The following DLGAP2 variants were observed in gnomAD, a reference collection of about 807,000 sequenced individuals.
DLGAP2 encodes DLG associated protein 2.
In DLGAP2, 26 loss-of-function variants were observed where a neutral mutation model predicts 100.3. The ratio of observed to expected loss-of-function variants is 0.26; its 90% CI spans 0.19 to 0.36. The LOEUF is 0.36. DLGAP2 is among the 10% of genes least tolerant of loss of function. DLGAP2 has a pLI of 1.00. For synonymous variants in DLGAP2, 886 were observed against 630.1 expected, an observed-to-expected ratio of 1.41 and a Z score of -6.08; for missense variants, 1,858 against 1,453.2, an observed-to-expected ratio of 1.28 and a Z score of -4.53.
chr8:956,599 C>T (rs1414672325), intron 2 of DLGAP2, among the ~76,000 whole-genome samples: 2 of 152,228 alleles, frequency 1.3e-5, no homozygotes, highest in Non-Finnish European at 2.9e-5. Context: ...TCAAAACACC[C>T]CTGAAACCTG....
chr8:768,618 G>T (rs1017204385), intron 1 of DLGAP2, among the ~76,000 whole-genome samples: 2 of 151,630 alleles, frequency 1.3e-5, no homozygotes, highest in African/African-American at 4.8e-5. Context: ...TAGAGATGGG[G>T]TTTCACCATG....
chr8:1,291,638 T>C (rs1223074985), intron 3 of DLGAP2, among the ~76,000 whole-genome samples: 1 of 152,172 alleles, frequency 6.6e-6, no homozygotes, highest in Non-Finnish European at 1.5e-5. Flanking sequence ...GGGATCAGGC[T>C]AAGGGATCTC....
intron 12 of DLGAP2, among the ~76,000 whole-genome samples, chr8:1,690,703 CAAAAAA>C (rs71190752): frequency 0.03 from 1,857 of 62,046 alleles, 42 homozygotes; most frequent in African/African-American, 0.087. Context: ...GACCCTATCT[CAAAAAA>C]AAAAAAAAAA....
chr8:979,727 C>G (rs746640506), intron 2 of DLGAP2, among the ~76,000 whole-genome samples: 1 of 152,166 alleles, frequency 6.6e-6, no homozygotes, highest in Non-Finnish European at 1.5e-5. Flanking sequence ...TGTTTTCAGG[C>G]ACATGTGCCA....
At chr8:876,832 G>C (rs1248108268) in intron 1 of DLGAP2, among the ~76,000 whole-genome samples, 1 of 152,026 alleles carries the variant, frequency 6.6e-6, no homozygotes, top group East Asian at 1.9e-4. Context: ...CTTCTTTCCT[G>C]TCTCTGCTTT....
intron 12 of DLGAP2, among the ~76,000 whole-genome samples, chr8:1,679,599 G>A (rs1056498442): frequency 6.6e-6 from 1 of 152,210 alleles, no homozygotes; most frequent in African/African-American, 2.4e-5. Context: ...AGTCCCGTTG[G>A]TACTCACCTA....
At chr8:1,028,522 C>G (rs1230065967) in intron 2 of DLGAP2, among the ~76,000 whole-genome samples, 1 of 152,178 alleles carries the variant, frequency 6.6e-6, no homozygotes, top group Non-Finnish European at 1.5e-5. Context: ...CATGCGGTGC[C>G]AGGCACCCGT....
At chr8:1,195,093 C>A (rs774130844) in intron 2 of DLGAP2, among the ~76,000 whole-genome samples, 4 of 152,232 alleles carry the variant, frequency 2.6e-5, no homozygotes, top group Admixed American at 2.0e-4. Context: ...TCCAGGCCCC[C>A]GGCATCCTCA....
At chr8:1,211,832 G>T (rs1003392668) in intron 2 of DLGAP2, among the ~76,000 whole-genome samples, 6 of 152,210 alleles carry the variant, frequency 3.9e-5, no homozygotes, top group Non-Finnish European at 7.3e-5. Context: ...CCGATATCGT[G>T]CCATTGCACT....
chr8:1,254,980 T>TGCTGTGTGTGTGTCTTCTCCTGCCCGGCC lies in DLGAP2; in HGVS notation c.74-3857_74-3856insTTCTCCTGCCCGGCCGCTGTGTGTGTGTC, dbSNP rs1799147649. ...TGTGTGTCCTCTCATCCTGTCCGGG[T>TGCTGTGTGTGTGTCTTCTCCTGCCCGGCC]GCTGTGTGTGTGTCCTCTCATCCTG... On this transcript the variant is annotated intron_variant, in intron 2 of 14. Transcript: ENST00000637795. Among the ~76,000 whole-genome samples, 48 of 103,684 alleles carry TGCTGTGTGTGTGTCTTCTCCTGCCCGGCC rather than the reference T, an allele frequency of 4.6e-4. 2 individuals are homozygous for TGCTGTGTGTGTGTCTTCTCCTGCCCGGCC. Among genetic ancestry groups the TGCTGTGTGTGTGTCTTCTCCTGCCCGGCC allele is most frequent in the African/African-American group, 1.9e-3 (44 of 23,552 alleles). The allele number at this position is 103,684 out of a possible 152,430, so 68.0% of individuals were successfully genotyped here.
chr8:1,698,886 C>G (rs933160369), intron 14 of DLGAP2, among the ~76,000 whole-genome samples: 1 of 151,490 alleles, frequency 6.6e-6, no homozygotes, highest in Non-Finnish European at 1.5e-5. Context: ...GTAAGCCATG[C>G]ATGGGACTAG....
intron 3 of DLGAP2, among the ~76,000 whole-genome samples, chr8:1,298,401 G>C (rs556609596): frequency 3.3e-5 from 5 of 152,164 alleles, no homozygotes; most frequent in Non-Finnish European, 7.3e-5. Flanking sequence ...TCCCTCAGTG[G>C]AGACACCAGG....
intron 2 of DLGAP2, among the ~76,000 whole-genome samples, chr8:1,227,941 A>G (rs1217700619): frequency 6.6e-6 from 1 of 152,170 alleles, no homozygotes; most frequent in African/African-American, 2.4e-5. Flanking sequence ...ACTATGTGAG[A>G]TGATGGATAT....
chr8:1,332,752 G>C (rs1801187432), intron 3 of DLGAP2, among the ~76,000 whole-genome samples: 1 of 152,156 alleles, frequency 6.6e-6, no homozygotes, highest in Non-Finnish European at 1.5e-5. Context: ...CCCAGACCTG[G>C]AAAAGCCATT....
intron 1 of DLGAP2, among the ~76,000 whole-genome samples, chr8:848,864 T>A (rs75103260): frequency 4.1e-4 from 53 of 130,254 alleles, no homozygotes; most frequent in African/African-American, 1.0e-3. Flanking sequence ...CAGCATAGGA[T>A]CGCGCGGTGT....
At chr8:1,050,270 G>C (rs1802640456) in intron 2 of DLGAP2, among the ~76,000 whole-genome samples, 2 of 152,212 alleles carry the variant, frequency 1.3e-5, no homozygotes, top group Non-Finnish European at 2.9e-5. Context: ...ACTTTAGGAT[G>C]GTTCAAACAT....
chr8:1,110,683 C>G (rs923717502), intron 2 of DLGAP2, among the ~76,000 whole-genome samples: 2 of 150,616 alleles, frequency 1.3e-5, no homozygotes, highest in African/African-American at 4.9e-5. Context: ...CTGCAAGTAA[C>G]TGCTTTCCAT....
intron 2 of DLGAP2, among the ~76,000 whole-genome samples, chr8:1,053,611 C>G (rs896123161): frequency 6.6e-6 from 1 of 152,052 alleles, no homozygotes; most frequent in Non-Finnish European, 1.5e-5. Context: ...CCGATAACTG[C>G]GAGGAATTCC....
chr8:1,295,288 C>T (rs1234447189), intron 3 of DLGAP2, among the ~76,000 whole-genome samples: 1 of 152,194 alleles, frequency 6.6e-6, no homozygotes, highest in Admixed American at 6.5e-5. Context: ...ATACACACAG[C>T]ACATTTGCAT....
Sources: gnomAD v4.1 joint callset for allele counts (sites outside exome capture counted in the v4.1 genomes callset) on GRCh38, gnomAD v4.1.1 for gene constraint, MANE v1.5 for transcripts, NCBI Gene and HGNC (gene_info 2026-07-23, HGNC 2026-07-21) for gene names.